TANGO6: variants seen among roughly 807,000 people sequenced by gnomAD.
TANGO6 encodes the protein transport and Golgi organization protein 6 homolog.
A neutral mutation model predicts 114.2 loss-of-function variants in TANGO6; 90 were observed. The ratio of observed to expected loss-of-function variants is 0.79; its 90% CI spans 0.66 to 0.94. The LOEUF is 0.94. TANGO6 is among the 40% of genes least tolerant of loss of function. The pLI is 0.00. For synonymous variants in TANGO6, 477 were observed against 509.8 expected, an observed-to-expected ratio of 0.94 and a Z score of 0.87; for missense variants, 1,274 against 1,315.3, an observed-to-expected ratio of 0.97 and a Z score of 0.49.
intron 1 of TANGO6, 93 bp from the exon 2 acceptor site, chr16:68,859,791 C>G (rs148719715): frequency 7.2e-7 from 1 of 1,381,228 alleles, no homozygotes; most frequent in Non-Finnish European, 9.6e-7. Context: ...GCCCGGCCTG[C>G]GAGGATGAAC....
chr16:69,026,034 C>G (rs1385695079), intron 16 of TANGO6: 1 of 151,234 alleles, frequency 6.6e-6, no homozygotes, highest in Non-Finnish European at 1.5e-5. Context: ...CAGAGTTTCA[C>G]TCTGTTGCCC....
intron 10 of TANGO6, among the ~76,000 whole-genome samples, chr16:68,908,246 G>C (rs755118383): frequency 1.3e-5 from 2 of 152,122 alleles, no homozygotes; most frequent in Non-Finnish European, 2.9e-5. Flanking sequence ...AGAATTCAAG[G>C]AGGGAATCAG....
chr16:68,958,557 G>A (rs1264858819), intron 14 of TANGO6, among the ~76,000 whole-genome samples: 1 of 150,220 alleles, frequency 6.7e-6, no homozygotes. Flanking sequence ...GAGGGAGGAA[G>A]GAAAGAAAAG....
intron 7 of TANGO6, chr16:68,885,614 G>C (rs956806459): frequency 6.6e-6 from 1 of 152,332 alleles, no homozygotes; most frequent in East Asian, 1.9e-4. Context: ...GCGGAAAGGG[G>C]TCAAAGAAAT....
At chr16:68,863,090 G>A (rs369525321) in intron 3 of TANGO6, 29 bp downstream of exon 3, 1 of 1,348,458 alleles carries the variant, frequency 7.4e-7, no homozygotes, top group Non-Finnish European at 1.0e-6. Context: ...TCTTGGGGGT[G>A]ACTCATTAAT....
At chr16:69,063,668 A>AC (rs1181717838) in intron 17 of TANGO6, among the ~76,000 whole-genome samples, 3 of 146,928 alleles carry the variant, frequency 2.0e-5, no homozygotes, top group African/African-American at 5.1e-5. Flanking sequence ...AAAAAAAAAA[A>AC]AACAAAGTTC....
At position 69,024,203 on chromosome 16, in the gene TANGO6, CAG is replaced by C. The variant is rs1156460379; in HGVS notation, c.2994+1227_2994+1228del. On this transcript the variant is annotated intron_variant, in intron 16 of 17. Coordinates refer to ENST00000261778, the MANE Select transcript of TANGO6 (RefSeq NM_024562.2). ...AGGCGTGAGCCACCACACCTGAACT[CAG>C]AGTTTATTAATTAATGAAATGTGCG... Among the ~76,000 whole-genome samples, 3 of 151,804 alleles carry C rather than the reference CAG, an allele frequency of 2.0e-5. No homozygotes were observed. In the East Asian group the frequency reaches 5.8e-4, roughly 29 times the overall value.
intron 1 of TANGO6, 99 bp from the exon 2 acceptor site, chr16:68,859,785 G>A (rs1962059517): frequency 5.2e-6 from 7 of 1,344,376 alleles, no homozygotes; most frequent in Middle Eastern, 2.4e-4. Flanking sequence ...AGTGGCGCCC[G>A]GCCTGCGAGG....
chr16:68,868,144 CAA>C (rs5817657), intron 4 of TANGO6, among the ~76,000 whole-genome samples: 103 of 108,274 alleles, frequency 9.5e-4, no homozygotes, highest in Non-Finnish European at 1.1e-3. Context: ...GACCTTGTCT[CAA>C]AAAAAAAAAA....
At chr16:68,962,470 C>G (rs1963602453) in intron 14 of TANGO6, among the ~76,000 whole-genome samples, 1 of 152,120 alleles carries the variant, frequency 6.6e-6, no homozygotes, top group African/African-American at 2.4e-5. Context: ...TATCTTCTTT[C>G]TAGTTTTTTA....
chr16:68,877,399 C>T (rs1315109840), intron 5 of TANGO6, among the ~76,000 whole-genome samples: 10 of 143,792 alleles, frequency 7.0e-5, no homozygotes, highest in Non-Finnish European at 1.1e-4. Flanking sequence ...ACCTGGGAGG[C>T]GGAGGTTGCA....
intron 11 of TANGO6, among the ~76,000 whole-genome samples, chr16:68,914,752 G>C (rs1962974766): frequency 6.6e-6 from 1 of 152,108 alleles, no homozygotes; most frequent in Non-Finnish European, 1.5e-5. Flanking sequence ...ATGTATAGTA[G>C]GGGGAGGAGC....
chr16:68,868,449 A>G (rs1962213305), intron 4 of TANGO6, among the ~76,000 whole-genome samples: 1 of 147,856 alleles, frequency 6.8e-6, no homozygotes, highest in East Asian at 2.0e-4. Context: ...ACTGCTTTGA[A>G]CTCTTTCAGT....
At position 69,012,210 on chromosome 16, in the gene TANGO6, T is replaced by C. The variant is rs148661789; in HGVS notation, c.2843-10618T>C. 1.9e-4 allele frequency among the ~76,000 whole-genome samples: 29 copies of C among 152,236 alleles called. 1 individual carries two copies. In the East Asian group the frequency reaches 5.4e-3, roughly 28 times the overall value. ...ACTCATTAGAATCTACTGGAGTAAG[T>C]TTCTAAAAGTGGGCTTGGATTTACT... On this transcript the variant is annotated intron_variant, in intron 15 of 17. Coordinates refer to ENST00000261778, the MANE Select transcript of TANGO6 (RefSeq NM_024562.2).
intron 2 of TANGO6, 100 bp from the exon 3 acceptor site, chr16:68,862,845 C>T (rs564076258): frequency 4.9e-5 from 39 of 802,686 alleles, no homozygotes; most frequent in African/African-American, 4.1e-4. Context: ...GCCTTCTTTC[C>T]GCTCCTCTCA....
chr16:68,860,006 C>T lies in TANGO6; in HGVS notation c.217C>T (p.Leu73=). The stretch of plus-strand genomic sequence containing the variant: ...TCCTCAGTGGAAGAATCTGAAACTC[C>T]TAAGAGATGAAATTGCTGATAAGGC... ...KDPQWKNLKL[L]RDEIADKAEW... The change falls in exon 2 of 18, where the codon CTA becomes TTA. Residue 73 remains leucine, a synonymous_variant. Transcript: ENST00000261778. The T allele has an allele frequency of 6.2e-7, 1 of 1,613,934 alleles. No homozygotes were observed. The highest frequency in any genetic ancestry group is 8.5e-7 in the Non-Finnish European group (1 of 1,179,870).
intron 15 of TANGO6, among the ~76,000 whole-genome samples, chr16:69,021,592 A>G (rs1191614748): frequency 6.6e-6 from 1 of 152,208 alleles, no homozygotes; most frequent in Admixed American, 6.6e-5. Flanking sequence ...CATCTGGAAC[A>G]ATGCTTAGCA....
chr16:69,033,363 A>G (rs900160437), intron 16 of TANGO6, among the ~76,000 whole-genome samples: 5 of 152,208 alleles, frequency 3.3e-5, no homozygotes, highest in African/African-American at 1.2e-4. Context: ...CTTCGTGAGC[A>G]TCTGTTATCT....
chr16:68,959,125 G>A (rs1046286763), intron 14 of TANGO6, among the ~76,000 whole-genome samples: 2 of 152,184 alleles, frequency 1.3e-5, no homozygotes, highest in African/African-American at 4.8e-5. Context: ...TTCTTTGGAA[G>A]AGTTTTACAG....
Sources: gnomAD v4.1 joint callset for allele counts (sites outside exome capture counted in the v4.1 genomes callset) on GRCh38, gnomAD v4.1.1 for gene constraint, MANE v1.5 for transcripts, NCBI Gene and HGNC (gene_info 2026-07-23, HGNC 2026-07-21) for gene names.